The following KIF13A variants were observed in gnomAD, a reference collection of about 807,000 sequenced individuals.
KIF13A encodes the protein kinesin-like protein KIF13A.
Under a neutral mutation model 212.2 loss-of-function variants are expected in KIF13A, and 79 were observed. That is an observed-to-expected ratio of 0.37 (90% CI 0.31 to 0.45). The LOEUF (loss-of-function observed/expected upper bound fraction) is 0.45, where lower values mean the gene tolerates loss of function less well. Ranked by LOEUF, KIF13A falls within the 20% of genes least tolerant of loss-of-function variation. KIF13A has a pLI of 1.00. For synonymous variants in KIF13A, 789 were observed against 808.6 expected (o/e 0.98, Z 0.41); for missense variants, 1,901 against 2,209.0 (o/e 0.86, Z 2.79).
Position 17,926,671 on chromosome 6 carries a change from A to T in KIF13A, c.147-28491T>A, listed in dbSNP as rs1176376973. ...ATCGGACTAATAAGAAGGAGACTGA[A>T]ATTTTCTTTGACGTAAAAATTACTT... is the stretch of plus-strand genomic sequence containing the variant. On this transcript the variant is annotated intron_variant, in intron 2 of 38. Transcript: ENST00000259711. This position sits in a 1 kb window ranked among gnomAD's most constrained non-coding sequence, Gnocchi z 4.3. Among the ~76,000 whole-genome samples, 1 of 152,154 alleles carries T rather than the reference A, an allele frequency of 6.6e-6. No individual in the cohort carries two copies. Among genetic ancestry groups the T allele is most frequent in the East Asian group, 1.9e-4 (1 of 5,202 alleles).
intron 2 of KIF13A, among the ~76,000 whole-genome samples, chr6:17,911,319 G>A (rs1440056777): frequency 1.3e-5 from 2 of 152,194 alleles, no homozygotes; most frequent in Non-Finnish European, 2.9e-5. Context: ...AGCCCTTCGG[G>A]TGTGCATCAA....
intron 4 of KIF13A, among the ~76,000 whole-genome samples, chr6:17,866,875 A>T (rs1437977459): frequency 1.6e-5 from 2 of 125,154 alleles, no homozygotes; most frequent in African/African-American, 5.8e-5. Context: ...ATATATATAT[A>T]TTTACACACA....
chr6:17,799,356 C>T lies in KIF13A; in HGVS notation c.2700G>A (p.Glu900=), dbSNP rs754334164. 3 of 1,612,820 alleles carry T rather than the reference C, an allele frequency of 1.9e-6. No homozygotes were observed. Among genetic ancestry groups the T allele is most frequent in the African/African-American group, 2.7e-5 (2 of 74,868 alleles). Residue 900 remains glutamate (E), a synonymous_variant, in exon 22 of 39, where the codon GAG becomes GAA. Transcript: ENST00000259711. The surrounding 1 kb of genome is among the most constrained non-coding windows in gnomAD (Gnocchi z 4.4). ...CCACCACCGGGGCAGCCACCGTAGA[C>T]TCACACTGGTCCCAGAATGTGTATT... ...FCQYTFWDQC[E]STVAAPVVDP... is the part of the protein sequence containing the mutation.
At chr6:17,854,887 C>T (rs185587369) in intron 6 of KIF13A, among the ~76,000 whole-genome samples, 50 of 151,990 alleles carry the variant, frequency 3.3e-4, no homozygotes, top group African/African-American at 1.1e-3. Flanking sequence ...TAAATGGCCC[C>T]CCTTCCTCTA....
In KIF13A at chr6:17,951,365, A is replaced by G; in HGVS notation, c.146+35689T>C. ...AGGCTGGTCTTGAAATCCTCGGCTC[A>G]AGTGATCCTCTTGCCTTGGCCTCCC... On this transcript the variant is annotated intron_variant, in intron 2 of 38. Transcript: ENST00000259711. This position sits in a 1 kb window ranked among gnomAD's most constrained non-coding sequence, Gnocchi z 4.9. 1.5e-6 allele frequency: 1 copy of G among 646,112 alleles called. No individual in the cohort carries two copies. The highest frequency in any genetic ancestry group is 2.8e-6 in the Non-Finnish European group (1 of 355,384). 40.0% of individuals were successfully genotyped at this position (646,112 alleles called of 1,614,324 possible). A position where few individuals can be genotyped will look rare whatever the true frequency, so the allele number is the denominator to read the frequency against.
chr6:17,934,166 C>T lies in KIF13A; in HGVS notation c.147-35986G>A, dbSNP rs951178263. 2.6e-5 allele frequency among the ~76,000 whole-genome samples: 4 copies of T among 152,014 alleles called. No individual in the cohort carries two copies. Among genetic ancestry groups the T allele is most frequent in the Admixed American group, 6.6e-5 (1 of 15,260 alleles). On this transcript the variant is annotated intron_variant, in intron 2 of 38. Transcript: ENST00000259711. This position sits in a 1 kb window ranked among gnomAD's most constrained non-coding sequence, Gnocchi z 5.4. ...CATAAAAACCAGGACACAGTTTCTT[C>T]GTAATTACAAAAGGCACCTCTTTCC... is the stretch of plus-strand genomic sequence containing the variant.
chr6:17,984,795 G>C lies in KIF13A; in HGVS notation c.146+2259C>G, dbSNP rs747610691. On this transcript the variant is annotated intron_variant, in intron 2 of 38. Transcript: ENST00000259711. This position sits in a 1 kb window ranked among gnomAD's most constrained non-coding sequence, Gnocchi z 5.0. ...TTACACTTCAAACCTTGGACTTGCA[G>C]ATATGAAAAATAATAACATTCTCAG... is the stretch of plus-strand genomic sequence containing the variant. Among the ~76,000 whole-genome samples, 1 of 152,164 alleles carries C rather than the reference G, an allele frequency of 6.6e-6. No individual in the cohort carries two copies. Among genetic ancestry groups the C allele is most frequent in the Non-Finnish European group, 1.5e-5 (1 of 68,040 alleles).
chr6:17,893,712 T>C (rs1772277375), intron 3 of KIF13A, among the ~76,000 whole-genome samples: 1 of 152,172 alleles, frequency 6.6e-6, no homozygotes, highest in Non-Finnish European at 1.5e-5. Flanking sequence ...ATGTCAGATG[T>C]AGATTTCTCA....
rs1464850585 is a variant in KIF13A, at chr6:17,856,121, A to C, written c.222T>G (p.Gly74=). The C allele has an allele frequency of 6.2e-7, 1 of 1,602,936 alleles. No homozygotes were observed. ...CAAGGCACTTGAAAACCACTTCTTG[A>C]CCTAAAAAACAAGACAAATATTAAA... The part of the protein sequence containing the change: ...MDESNTTKYA[G]QEVVFKCLGE... The change falls in exon 5 of 39, where the codon GGT becomes GGG. Residue 74 remains glycine (G), a splice_region_variant and synonymous_variant. Coordinates refer to ENST00000259711, the MANE Select transcript of KIF13A (RefSeq NM_022113.6). The surrounding 1 kb of genome is among the most constrained non-coding windows in gnomAD (Gnocchi z 4.5).
At position 17,837,902 on chromosome 6, in the gene KIF13A, G is replaced by A. The variant is rs1467137029; in HGVS notation, c.831-319C>T. ...CGGGAGTTAGAGGTTGCAGTGAGCCGAGACTGTGCCACTGCACTGCAGCCT... is the reference window on the plus strand; with the variant it reads ...CGGGAGTTAGAGGTTGCAGTGAGCCAAGACTGTGCCACTGCACTGCAGCCT... On this transcript the variant is annotated intron_variant, in intron 9 of 38. Coordinates refer to ENST00000259711, the MANE Select transcript of KIF13A (RefSeq NM_022113.6). The surrounding 1 kb of genome is among the most constrained non-coding windows in gnomAD (Gnocchi z 5.4). Among the ~76,000 whole-genome samples the A allele has an allele frequency of 6.6e-6, 1 of 151,820 alleles. No homozygotes were observed. Among genetic ancestry groups the A allele is most frequent in the Non-Finnish European group, 1.5e-5 (1 of 67,968 alleles).
rs552258392 is a variant in KIF13A, at chr6:17,858,867, A to G, written c.221-2745T>C. 1.2e-3 allele frequency among the ~76,000 whole-genome samples: 179 copies of G among 152,286 alleles called. 2 individuals are homozygous for G. The highest frequency in any genetic ancestry group is 2.5e-3 in the South Asian group (12 of 4,830). ...TGGCTAAGTCAAGCATCCTGACCAT[A>G]ATTCATGATTTCAATTCATATTTAG... On this transcript the variant is annotated intron_variant, in intron 4 of 38. Coordinates refer to ENST00000259711, the MANE Select transcript of KIF13A (RefSeq NM_022113.6).
At chr6:17,821,552 G>GGTGTGTGTGTGTGTGT (rs111387037) in intron 16 of KIF13A, among the ~76,000 whole-genome samples, 1,238 of 112,068 alleles carry the variant, frequency 0.011, 81 homozygotes, top group African/African-American at 0.017. Context: ...ATTGGGACAT[G>GGTGTGTGTGTGTGTGT]GTGTGTGTGT....
In KIF13A at chr6:17,777,364, T is replaced by G; in HGVS notation, c.4093-10A>C. The stretch of plus-strand genomic sequence containing the variant: ...CTTTGACTGTGACGGCCTGTAAACA[T>G]AATAATTTGAAAATAACACTTTTTT... On this transcript the variant is annotated splice_polypyrimidine_tract_variant and intron_variant, in intron 33 of 38. Transcript: ENST00000259711. The surrounding 1 kb of genome is among the most constrained non-coding windows in gnomAD (Gnocchi z 4.4). 1 of 1,598,876 alleles carries G rather than the reference T, an allele frequency of 6.3e-7. No individual in the cohort carries two copies. The highest frequency in any genetic ancestry group is 8.5e-7 in the Non-Finnish European group (1 of 1,171,776).
At chr6:17,860,897 T>C (rs607690) in intron 4 of KIF13A, among the ~76,000 whole-genome samples, 73,892 of 151,920 alleles carry the variant, frequency 0.49, 18,177 homozygotes, top group East Asian at 0.59. Flanking sequence ...ACACACTATG[T>C]AGGTACTAAT....
rs1182901500 is a variant in KIF13A at position 17,898,260 on chromosome 6, T to G, written c.147-80A>C. On this transcript the variant is annotated intron_variant, in intron 2 of 38. Coordinates refer to ENST00000259711, the MANE Select transcript of KIF13A (RefSeq NM_022113.6). The surrounding 1 kb of genome is among the most constrained non-coding windows in gnomAD (Gnocchi z 5.2). ...CAGCAGCCACATCAGAGGGAAACAA[T>G]GAAAGAGAAAAAAATAAGGTAAATT... 7.4e-6 allele frequency: 10 copies of G among 1,358,382 alleles called. No individual in the cohort carries two copies. The Admixed American group carries it at 1.9e-4, about 26-fold the overall frequency. 84.1% of individuals were successfully genotyped at this position (1,358,382 alleles called of 1,614,324 possible).
In KIF13A at chr6:17,828,561, T is replaced by G. The variant is rs1284056311; in HGVS notation, c.1402-191A>C. Reference sequence around the variant, plus strand: ...TAATACACCAAATTAAAAAAAAATGTTTAAACACTACCAAAAAAAATCCCC... The same window carrying G: ...TAATACACCAAATTAAAAAAAAATGGTTAAACACTACCAAAAAAAATCCCC... On this transcript the variant is annotated intron_variant, in intron 13 of 38. Coordinates refer to ENST00000259711, the MANE Select transcript of KIF13A (RefSeq NM_022113.6). The surrounding 1 kb of genome is among the most constrained non-coding windows in gnomAD (Gnocchi z 4.3). Among the ~76,000 whole-genome samples, 1 of 152,094 alleles carries G rather than the reference T, an allele frequency of 6.6e-6. No individual in the cohort carries two copies. Among genetic ancestry groups the G allele is most frequent in the Non-Finnish European group, 1.5e-5 (1 of 68,018 alleles).
At chr6:17,852,153 A>C in intron 6 of KIF13A, 111 bp from the exon 7 acceptor site, 1 of 465,814 alleles carries the variant, frequency 2.1e-6, no homozygotes, top group South Asian at 6.7e-5. Context: ...TTTTTAAATG[A>C]CTCCTCCCCC....
downstream of KIF13A, among the ~76,000 whole-genome samples, chr6:17,762,159 C>T (rs1336354396): frequency 6.6e-6 from 1 of 152,056 alleles, no homozygotes; most frequent in Non-Finnish European, 1.5e-5. Context: ...CCCGCCTCAG[C>T]CTCCAGAATA....
chr6:17,833,902 C>A, intron 12 of KIF13A, 59 bp downstream of exon 12: 3 of 761,446 alleles, frequency 3.9e-6, no homozygotes, highest in African/African-American at 1.8e-5. Flanking sequence ...GCAAACTACA[C>A]AGAAAAGACA....
Sources: gnomAD v4.1 joint callset for allele counts (sites outside exome capture counted in the v4.1 genomes callset) on GRCh38, gnomAD v4.1.1 for gene constraint, Gnocchi (gnomAD v3.1) non-coding constraint, MANE v1.5 for transcripts, NCBI Gene and HGNC (gene_info 2026-07-23, HGNC 2026-07-21) for gene names.